The following TRPM7 variants were observed in gnomAD, a reference collection of about 807,000 sequenced individuals.
The protein encoded by TRPM7 is transient receptor potential cation channel subfamily M member 7.
TRPM7 carries 134 observed loss-of-function variants against 229.7 expected under a neutral mutation model. The ratio of observed to expected loss-of-function variants is 0.58; its 90% CI spans 0.51 to 0.67. The LOEUF is 0.67. Among genes scored for constraint, TRPM7 ranks in the 30% least tolerant of loss-of-function variants. TRPM7 has a pLI of 0.00. For missense variants in TRPM7, 1,901 were observed against 2,210.0 expected (o/e 0.86, Z 2.80); for synonymous variants, 699 against 715.2 (o/e 0.98, Z 0.36).
In TRPM7 at chr15:50,613,731, C is replaced by T; in HGVS notation, c.1746G>A (p.Lys582=). 6.2e-7 allele frequency: 1 copy of T among 1,611,132 alleles called. No individual in the cohort carries two copies. ...CCTTTGGTCGGTAGGGCTGTGCTGT[C>T]TTAATGAAATGGTTATGCCTCATTT... ...KEKMRHNHFI[K]TAQPYRPKID... Residue 582 remains lysine, a synonymous_variant, in exon 15 of 39, where the codon AAG becomes AAA. Transcript: ENST00000646667.
chr15:50,640,871 G>A (rs1382469861), intron 5 of TRPM7, among the ~76,000 whole-genome samples: 1 of 152,146 alleles, frequency 6.6e-6, no homozygotes. Context: ...AGATGACCAT[G>A]TGCAAGCCAA....
At position 50,634,523 on chromosome 15, in the gene TRPM7, A is replaced by T; in HGVS notation, c.866T>A (p.Ile289Lys). 2.0e-6 allele frequency: 3 copies of T among 1,529,704 alleles called. No individual in the cohort carries two copies. The highest frequency in any genetic ancestry group is 1.3e-5 in the South Asian group (1 of 75,738). 94.8% of individuals were successfully genotyped at this position (1,529,704 alleles called of 1,614,324 possible). ...GATAACATTTGGCCCACCCTCAAAT[A>T]TAAGTGCCACCACAGGGACACCCTG... is the stretch of plus-strand genomic sequence containing the variant. ...IGQGVPVVAL[I>K]FEGGPNVILT... Residue 289 changes from isoleucine (I) to lysine (K), a missense_variant, in exon 8 of 39, where the codon ATA becomes AAA. Ile to Lys is a moderately radical substitution (Grantham distance 102). Coordinates refer to ENST00000646667, the MANE Select transcript of TRPM7 (RefSeq NM_017672.6).
intron 2 of TRPM7, among the ~76,000 whole-genome samples, chr15:50,661,016 C>T (rs1358210896): frequency 1.3e-5 from 2 of 150,688 alleles, no homozygotes; most frequent in African/African-American, 4.9e-5. Context: ...ACTCTTGTTA[C>T]CCAGGCTGGA....
chr15:50,597,844 G>A (rs2059672995), intron 22 of TRPM7, among the ~76,000 whole-genome samples: 1 of 151,970 alleles, frequency 6.6e-6, no homozygotes, highest in African/African-American at 2.4e-5. Flanking sequence ...ACTTGAACCT[G>A]GAAGACAGAG....
chr15:50,644,709 A>G (rs1386711002), intron 4 of TRPM7, among the ~76,000 whole-genome samples: 3 of 148,046 alleles, frequency 2.0e-5, no homozygotes, highest in African/African-American at 7.5e-5. Context: ...AGGCAAGAGA[A>G]TTGCTTGAAC....
chr15:50,659,869 T>C (rs916920803), intron 2 of TRPM7, among the ~76,000 whole-genome samples: 8 of 152,160 alleles, frequency 5.3e-5, no homozygotes, highest in African/African-American at 1.7e-4. Flanking sequence ...GGTTTCACCA[T>C]GTTGGCCAGG....
At chr15:50,655,003 A>G (rs78085494) in intron 3 of TRPM7, among the ~76,000 whole-genome samples, 1 of 148,508 alleles carries the variant, frequency 6.7e-6, no homozygotes, top group African/African-American at 2.4e-5. Context: ...TCCGTCTCAA[A>G]AAAAAAAAAA....
chr15:50,638,276 G>A (rs903833841), intron 6 of TRPM7, among the ~76,000 whole-genome samples: 1 of 146,224 alleles, frequency 6.8e-6, no homozygotes, highest in African/African-American at 2.5e-5. Flanking sequence ...GGAGAATGGC[G>A]TGAACCCGGG....
chr15:50,565,664 G>A (rs2053565961), intron 38 of TRPM7, among the ~76,000 whole-genome samples: 2 of 152,046 alleles, frequency 1.3e-5, no homozygotes, highest in Admixed American at 6.6e-5. Flanking sequence ...TTCCTTTCTA[G>A]TTAATCAATA....
At chr15:50,628,278 G>A (rs758499086) in intron 10 of TRPM7, 29 bp from the exon 11 acceptor site, 63 of 1,473,636 alleles carry the variant, frequency 4.3e-5, no homozygotes, top group Non-Finnish European at 5.7e-5. Context: ...TAGTTGACAG[G>A]TTCAATTAAT....
At position 50,560,874 on chromosome 15, in the gene TRPM7, T is replaced by A. The variant is rs541598336; in HGVS notation, c.*804A>T. On this transcript the variant is annotated 3_prime_UTR_variant, in exon 39 of 39. Coordinates refer to ENST00000646667, the MANE Select transcript of TRPM7 (RefSeq NM_017672.6). ...CAGATAGGGAAAAAAGTACTTTAAC[T>A]TTCCTCAAAAGGTAACTTCCCTTGA... 2 of 152,786 alleles carry A rather than the reference T, an allele frequency of 1.3e-5. No individual in the cohort carries two copies. Among genetic ancestry groups the A allele is most frequent in the Admixed American group, 1.3e-4 (2 of 15,304 alleles). 9.5% of individuals were successfully genotyped at this position (152,786 alleles called of 1,614,324 possible). A position where few individuals can be genotyped will look rare whatever the true frequency, so the allele number is the denominator to read the frequency against.
chr15:50,586,711 G>T, intron 27 of TRPM7: 1 of 353,762 alleles, frequency 2.8e-6, no homozygotes, highest in Non-Finnish European at 5.1e-6. Flanking sequence ...CCATCCAAAT[G>T]AATTTTTTAT....
chr15:50,567,861 G>A (rs947795323), intron 38 of TRPM7, among the ~76,000 whole-genome samples: 3 of 152,070 alleles, frequency 2.0e-5, no homozygotes, highest in African/African-American at 7.2e-5. Flanking sequence ...GGCCGAGGCA[G>A]GCGGATCACA....
chr15:50,578,731 T>G, intron 30 of TRPM7, 67 bp from the exon 31 acceptor site: 1 of 1,245,176 alleles, frequency 8.0e-7, no homozygotes, highest in Non-Finnish European at 1.1e-6. Context: ...TCATTTAATT[T>G]TTTGATTTTA....
intron 1 of TRPM7, among the ~76,000 whole-genome samples, chr15:50,680,979 G>A (rs553410403): frequency 7.2e-5 from 11 of 152,022 alleles, no homozygotes; most frequent in East Asian, 3.9e-4. Flanking sequence ...AGTGTCGGGC[G>A]AGGTGGCTCA....
Position 50,558,314 on chromosome 15 carries a change from CGA to C in TRPM7, c.*3362_*3363del, listed in dbSNP as rs1483949763. 3 of 152,468 alleles carry C rather than the reference CGA, an allele frequency of 2.0e-5. No homozygotes were observed. Among genetic ancestry groups the C allele is most frequent in the Admixed American group, 1.3e-4 (2 of 15,290 alleles). The allele number at this position is 152,468 out of a possible 1,614,324, so 9.4% of individuals were successfully genotyped here. A position where few individuals can be genotyped will look rare whatever the true frequency, so the allele number is the denominator to read the frequency against. ...ATTCTACCACTTTGGGAAGCTCAGG[CGA>C]GAGGATCACTTGAGCCCAGGAATTT... On this transcript the variant is annotated 3_prime_UTR_variant, in exon 39 of 39. Coordinates refer to ENST00000646667, the MANE Select transcript of TRPM7 (RefSeq NM_017672.6).
chr15:50,674,118 A>G (rs2062046522), intron 1 of TRPM7, among the ~76,000 whole-genome samples: 1 of 152,140 alleles, frequency 6.6e-6, no homozygotes, highest in Non-Finnish European at 1.5e-5. Context: ...CCTCTGGAGT[A>G]GCTGAGATAA....
chr15:50,679,521 T>TA (rs1372264062), intron 1 of TRPM7, among the ~76,000 whole-genome samples: 1 of 22,224 alleles, frequency 4.5e-5, no homozygotes, highest in South Asian at 2.0e-3. Context: ...AATATATATA[T>TA]ATATATATAT....
intron 22 of TRPM7, among the ~76,000 whole-genome samples, chr15:50,598,041 A>G (rs1431823990): frequency 6.6e-6 from 1 of 152,208 alleles, no homozygotes; most frequent in East Asian, 1.9e-4. Context: ...CCCAAGAACA[A>G]ATAATGACCA....
Sources: allele counts gnomAD v4.1 joint callset (sites outside exome capture counted in the v4.1 genomes callset), GRCh38; gene constraint gnomAD v4.1.1; transcripts MANE v1.5; gene names NCBI Gene and HGNC (gene_info 2026-07-23, HGNC 2026-07-21).